CNTN5: variants seen among roughly 807,000 people sequenced by gnomAD.
The protein encoded by CNTN5 is contactin 5.
In CNTN5, 77 loss-of-function variants were observed where a neutral mutation model predicts 129.1. That is an observed-to-expected ratio of 0.60 (90% confidence interval 0.50 to 0.72). The LOEUF is 0.72. Ranked by LOEUF, CNTN5 falls within the 30% of genes least tolerant of loss-of-function variation. The pLI, the probability that CNTN5 is intolerant of heterozygous loss-of-function variation, is 0.00. For synonymous variants in CNTN5, 509 were observed against 465.6 expected (o/e 1.09, Z -1.20); for missense variants, 1,478 against 1,328.8 (o/e 1.11, Z -1.75).
chr11:99,925,781 G>T (rs2136053291), intron 7 of CNTN5, among the ~76,000 whole-genome samples: 1 of 152,086 alleles, frequency 6.6e-6, no homozygotes, highest in East Asian at 1.9e-4. Flanking sequence ...AGGCAGACAG[G>T]TTCACCATTC....
At chr11:99,513,837 G>A (rs541738198) in intron 2 of CNTN5, among the ~76,000 whole-genome samples, 50 of 152,184 alleles carry the variant, frequency 3.3e-4, no homozygotes, top group African/African-American at 1.1e-3. Context: ...TTATTTTTAT[G>A]CCTGTTAGCA....
At chr11:99,047,721 A>AATT (rs1175027462) in intron 1 of CNTN5, among the ~76,000 whole-genome samples, 1 of 152,084 alleles carries the variant, frequency 6.6e-6, no homozygotes, top group Non-Finnish European at 1.5e-5. Flanking sequence ...AAAATGCCTA[A>AATT]ATTAACACCT....
intron 1 of CNTN5, among the ~76,000 whole-genome samples, chr11:99,114,469 C>A (rs575192681): frequency 6.8e-6 from 1 of 146,984 alleles, no homozygotes; most frequent in Non-Finnish European, 1.5e-5. Flanking sequence ...TTTCCTTCCT[C>A]CTTCTCCTTT....
At chr11:99,629,870 A>G (rs79794592) in intron 3 of CNTN5, among the ~76,000 whole-genome samples, 10,356 of 151,834 alleles carry the variant, frequency 0.068, 410 homozygotes, top group African/African-American at 0.1. Context: ...TATAAAATAT[A>G]AAAATACTTG....
At chr11:99,641,598 T>C (rs949612598) in intron 3 of CNTN5, among the ~76,000 whole-genome samples, 2 of 152,114 alleles carry the variant, frequency 1.3e-5, no homozygotes, top group Non-Finnish European at 2.9e-5. Flanking sequence ...CCTACATCAT[T>C]ATCTGGAATC....
At chr11:99,533,033 G>A (rs991938204) in intron 2 of CNTN5, among the ~76,000 whole-genome samples, 1 of 152,138 alleles carries the variant, frequency 6.6e-6, no homozygotes, top group Non-Finnish European at 1.5e-5. Context: ...GACCAGCCTG[G>A]CCAACATGGC....
chr11:99,568,040 T>C (rs968040159), intron 3 of CNTN5, among the ~76,000 whole-genome samples: 1 of 152,190 alleles, frequency 6.6e-6, no homozygotes, highest in African/African-American at 2.4e-5. Flanking sequence ...TGTCTCAGTG[T>C]ATTGGAGATT....
chr11:99,198,927 C>A (rs938578214), intron 1 of CNTN5, among the ~76,000 whole-genome samples: 1 of 151,994 alleles, frequency 6.6e-6, no homozygotes, highest in Non-Finnish European at 1.5e-5. Context: ...ATCTTCAATG[C>A]CATCGATAGT....
chr11:99,826,334 C>G (rs753542658), intron 4 of CNTN5, among the ~76,000 whole-genome samples: 2 of 152,140 alleles, frequency 1.3e-5, no homozygotes, highest in Non-Finnish European at 2.9e-5. Flanking sequence ...CTGGGAATAG[C>G]TTAACTAAGT....
chr11:99,463,315 G>C (rs1194242664), intron 2 of CNTN5, among the ~76,000 whole-genome samples: 1 of 150,344 alleles, frequency 6.7e-6, no homozygotes, highest in East Asian at 2.0e-4. Flanking sequence ...GCGGGCGCCT[G>C]TAGTCCCAGC....
rs1504736 is a variant in CNTN5, at chr11:99,349,363, G to A, written c.-71+23879G>A. 0.025 allele frequency among the ~76,000 whole-genome samples: 3,762 copies of A among 152,146 alleles called. 338 individuals carry two copies. In the East Asian group the frequency reaches 0.25, roughly 10 times the overall value. ...TATCTGGCAGAGATATAGATAGATT[G>A]GCCACTCTTCTCCCCACTACCCTTA... On this transcript the variant is annotated intron_variant, in intron 2 of 24. Coordinates refer to ENST00000524871, the MANE Select transcript of CNTN5 (RefSeq NM_014361.4).
At chr11:99,682,130 A>C (rs967995112) in intron 3 of CNTN5, among the ~76,000 whole-genome samples, 7 of 152,086 alleles carry the variant, frequency 4.6e-5, no homozygotes, top group African/African-American at 1.7e-4. Flanking sequence ...TCATATAATG[A>C]GTTTCATCTA....
rs557460174 is a variant in CNTN5, at chr11:100,357,091, C to G, written c.*871C>G. The G allele has an allele frequency of 3.3e-5, 5 of 151,752 alleles. No homozygotes were observed. Among genetic ancestry groups the G allele is most frequent in the Non-Finnish European group, 7.4e-5 (5 of 67,796 alleles). 9.4% of individuals were successfully genotyped at this position (151,752 alleles called of 1,614,324 possible). A position where few individuals can be genotyped will look rare whatever the true frequency, so the allele number is the denominator to read the frequency against. On this transcript the variant is annotated 3_prime_UTR_variant, in exon 25 of 25. Coordinates refer to ENST00000524871, the MANE Select transcript of CNTN5 (RefSeq NM_014361.4). ...CAGAGCGTTTCCATTTCTTTACCTA[C>G]TGCCAAAACAGATGTTGAATTAGGT...
At chr11:99,666,303 C>T (rs915253498) in intron 3 of CNTN5, among the ~76,000 whole-genome samples, 2 of 152,092 alleles carry the variant, frequency 1.3e-5, no homozygotes, top group African/African-American at 2.4e-5. Flanking sequence ...GTTATTTTCC[C>T]AGTCTACAAC....
At chr11:99,352,148 A>C (rs148957368) in intron 2 of CNTN5, among the ~76,000 whole-genome samples, 3 of 152,352 alleles carry the variant, frequency 2.0e-5, no homozygotes, top group Admixed American at 2.0e-4. Context: ...TAGCTGTGTG[A>C]ATATCCAGGA....
chr11:99,673,974 A>G (rs912359042), intron 3 of CNTN5, among the ~76,000 whole-genome samples: 10 of 152,166 alleles, frequency 6.6e-5, no homozygotes, highest in African/African-American at 2.4e-4. Flanking sequence ...TATATATCCA[A>G]TAATGGGCTT....
chr11:99,447,299 CTT>C (rs900586403), intron 2 of CNTN5, among the ~76,000 whole-genome samples: 17 of 152,250 alleles, frequency 1.1e-4, no homozygotes, highest in Non-Finnish European at 2.1e-4. Context: ...TCAGAGTAAA[CTT>C]AATGTTTTGT....
At chr11:99,623,525 A>G (rs1951024521) in intron 3 of CNTN5, among the ~76,000 whole-genome samples, 1 of 152,106 alleles carries the variant, frequency 6.6e-6, no homozygotes, top group Admixed American at 6.5e-5. Context: ...TGATTACATT[A>G]GCATATTTTG....
chr11:99,103,501 A>G (rs1344711176), intron 1 of CNTN5, among the ~76,000 whole-genome samples: 1 of 152,146 alleles, frequency 6.6e-6, no homozygotes, highest in East Asian at 1.9e-4. Flanking sequence ...TGTGGACCTT[A>G]ACAATTTTTT....
Sources: gnomAD v4.1 joint callset for allele counts (sites outside exome capture counted in the v4.1 genomes callset) on GRCh38, gnomAD v4.1.1 for gene constraint, MANE v1.5 for transcripts, NCBI Gene and HGNC (gene_info 2026-07-23, HGNC 2026-07-21) for gene names.